ELN: variants seen among roughly 807,000 people sequenced by gnomAD.
ELN encodes the protein elastin.
ELN carries 65 observed loss-of-function variants against 105.8 expected under a neutral mutation model. The observed-to-expected ratio is 0.61, with a 90% confidence interval of 0.50 to 0.75. The LOEUF is 0.75. Ranked by LOEUF, ELN falls within the 30% of genes least tolerant of loss-of-function variation. The probability of loss-of-function intolerance (pLI) is 0.00; values close to 1 mark genes in which losing one functional copy is unlikely to be tolerated. For synonymous variants in ELN, 368 were observed against 389.2 expected, an observed-to-expected ratio of 0.95 and a Z score of 0.64; for missense variants, 882 against 969.4, an observed-to-expected ratio of 0.91 and a Z score of 1.20.
intron 12 of ELN, among the ~76,000 whole-genome samples, 186 bp downstream of exon 12, chr7:74,046,953 A>G (rs1563801358): frequency 6.6e-6 from 1 of 152,190 alleles, no homozygotes; most frequent in African/African-American, 2.4e-5. Flanking sequence ...GTGTGGTGGC[A>G]TAGGCCTATA....
rs1333781052 is a variant in ELN at position 74,069,319 on chromosome 7, C to T, written c.*619C>T. 3.0e-5 allele frequency: 7 copies of T among 236,916 alleles called. No homozygotes were observed. The highest frequency in any genetic ancestry group is 5.8e-5 in the Non-Finnish European group (7 of 119,940). The allele number at this position is 236,916 out of a possible 1,614,324, so 14.7% of individuals were successfully genotyped here. A position where few individuals can be genotyped will look rare whatever the true frequency, so the allele number is the denominator to read the frequency against. ...CCCACACTGGGAATAGCCACCTTGC[C>T]CTTGTAGAATCCATCCGCCCATCCG... is the stretch of plus-strand genomic sequence containing the variant. On this transcript the variant is annotated 3_prime_UTR_variant, in exon 33 of 33. Coordinates refer to ENST00000252034, the MANE Select transcript of ELN (RefSeq NM_000501.4).
intron 30 of ELN, 47 bp from the exon 31 acceptor site, chr7:74,065,897 C>G (rs1797829693): frequency 6.2e-7 from 1 of 1,614,030 alleles, no homozygotes. Context: ...ATCAGGGCCT[C>G]TTCCCGATGG....
intron 11 of ELN, 121 bp downstream of exon 11, chr7:74,046,338 C>A: frequency 7.2e-7 from 1 of 1,392,046 alleles, no homozygotes; most frequent in Non-Finnish European, 1.0e-6. Context: ...CCTGCAGAGC[C>A]AGGTCTTGCA....
At chr7:74,036,607 T>A in intron 3 of ELN, 23 bp downstream of exon 3, 1 of 1,614,068 alleles carries the variant, frequency 6.2e-7, no homozygotes, top group South Asian at 1.1e-5. Flanking sequence ...ACCACACTTG[T>A]TCATCACTGA....
chr7:74,043,846 G>T, intron 8 of ELN, 33 bp from the exon 9 acceptor site: 3 of 1,613,372 alleles, frequency 1.9e-6, no homozygotes, highest in Non-Finnish European at 2.5e-6. Flanking sequence ...AGGCTGAGCT[G>T]CTGCTAGTAA....
intron 29 of ELN, among the ~76,000 whole-genome samples, chr7:74,064,193 C>A (rs1316649139): frequency 1.3e-5 from 2 of 150,562 alleles, no homozygotes; most frequent in South Asian, 4.2e-4. Flanking sequence ...CTGAGGTGGG[C>A]AGATCACGAG....
Position 74,063,498 on chromosome 7 carries a change from C to G in ELN, c.1919-123C>G, listed in dbSNP as rs782187501. The G allele has an allele frequency of 1.2e-6, 2 of 1,607,576 alleles. No homozygotes were observed. The highest frequency in any genetic ancestry group is 1.3e-5 in the African/African-American group (1 of 74,876). ...ACACCTCCTGGCTCCACTGTGCCAT[C>G]GAAGGCCAGGGGAGACCTCAGGCTC... is the stretch of plus-strand genomic sequence containing the variant. On this transcript the variant is annotated intron_variant, in intron 28 of 32. Coordinates refer to ENST00000252034, the MANE Select transcript of ELN (RefSeq NM_000501.4). This position sits in a 1 kb window ranked among gnomAD's most constrained non-coding sequence, Gnocchi z 4.1.
chr7:74,028,402 A>T (rs1382334955), intron 1 of ELN, 133 bp downstream of exon 1: 13 of 1,068,132 alleles, frequency 1.2e-5, no homozygotes, highest in Non-Finnish European at 1.6e-5. Flanking sequence ...CCCCTCAGCC[A>T]CTGGGTCCTC....
At chr7:74,046,302 T>C in intron 11 of ELN, 85 bp downstream of exon 11, 2 of 1,590,830 alleles carry the variant, frequency 1.3e-6, no homozygotes, top group Non-Finnish European at 1.7e-6. Flanking sequence ...CAAGATCCCA[T>C]CCAAGCCTGC....
In ELN at chr7:74,056,682, G is replaced by C. The variant is rs782734629; in HGVS notation, c.1326G>C (p.Gln442His). The change falls in exon 21 of 33, where the codon CAG becomes CAC. Residue 442 changes from glutamine (Q) to histidine (H), a missense_variant. Coordinates refer to ENST00000252034, the MANE Select transcript of ELN (RefSeq NM_000501.4). ...VPGVGISPEA[Q>H]AAAAAKAAKY... The stretch of plus-strand genomic sequence containing the variant: ...CTCGTTTCCTTGTAGCCGAAGCTCA[G>C]GCAGCAGCTGCCGCCAAGGCTGCCA... 8 of 1,613,746 alleles carry C rather than the reference G, an allele frequency of 5.0e-6. No homozygotes were observed. The highest frequency in any genetic ancestry group is 1.7e-5 in the Admixed American group (1 of 60,000).
At chr7:74,051,362 G>A (rs781923597) in intron 15 of ELN, among the ~76,000 whole-genome samples, 28 of 152,224 alleles carry the variant, frequency 1.8e-4, no homozygotes, top group Admixed American at 1.8e-3. Context: ...GTGAGGGGCT[G>A]CCAGAGCCAA....
In ELN at chr7:74,060,023, G is replaced by A. The variant is rs370631671; in HGVS notation, c.1552G>A (p.Gly518Ser). ...GGCTCCTGGCGTTGGCGTGGCTCCCGGCATTGGCCCTGGTGGAGTTGCAGG... is the reference window on the plus strand; with the variant it reads ...GGCTCCTGGCGTTGGCGTGGCTCCCAGCATTGGCCCTGGTGGAGTTGCAGG... ...GVAPGVGVAP[G>S]IGPGGVAAAA... The change falls in exon 23 of 33, where the codon GGC becomes AGC. Residue 518 changes from glycine to serine, a missense_variant. By Grantham distance (56) the Gly-to-Ser change is moderately conservative. Coordinates refer to ENST00000252034, the MANE Select transcript of ELN (RefSeq NM_000501.4). The A allele has an allele frequency of 1.2e-5, 19 of 1,613,918 alleles. No homozygotes were observed. Among genetic ancestry groups the A allele is most frequent in the Admixed American group, 3.3e-5 (2 of 59,984 alleles).
In ELN at chr7:74,046,237, A is replaced by C. The variant is rs1554672086; in HGVS notation, c.571+20A>C. ...TCCCAGGTGAGGCAAGGCTGGTGGG[A>C]GAAGCAGGGTGGCCAGCCAGGCAGA... On this transcript the variant is annotated intron_variant, in intron 11 of 32. Coordinates refer to ENST00000252034, the MANE Select transcript of ELN (RefSeq NM_000501.4). 1 of 1,614,138 alleles carries C rather than the reference A, an allele frequency of 6.2e-7. No individual in the cohort carries two copies. The highest frequency in any genetic ancestry group is 8.5e-7 in the Non-Finnish European group (1 of 1,180,004).
chr7:74,063,654 G>A lies in ELN; in HGVS notation c.1952G>A (p.Gly651Glu). 5 of 1,613,828 alleles carry A rather than the reference G, an allele frequency of 3.1e-6. No individual in the cohort carries two copies. The highest frequency in any genetic ancestry group is 4.2e-6 in the Non-Finnish European group (5 of 1,179,764). ...GGAGCCGCTGGGCTCGGAGGACTCG[G>A]AGTCGGAGGGCTTGGAGTTCCAGGT... ...LVGAAGLGGL[G>E]VGGLGVPGVG... is the part of the protein sequence containing the mutation. The change falls in exon 29 of 33, where the codon GGA (glycine) becomes GAA (glutamate). Residue 651 changes from glycine to glutamate, a missense_variant. Gly to Glu is a moderately conservative substitution (Grantham distance 98). Transcript: ENST00000252034. The surrounding 1 kb of genome is among the most constrained non-coding windows in gnomAD (Gnocchi z 4.1).
At chr7:74,052,247 G>T in intron 17 of ELN, 1 of 538,454 alleles carries the variant, frequency 1.9e-6, no homozygotes. Flanking sequence ...GCCCACAGGT[G>T]TCTGCTGCAT....
intron 2 of ELN, 38 bp downstream of exon 2, chr7:74,035,452 G>T: frequency 6.2e-7 from 1 of 1,611,838 alleles, no homozygotes; most frequent in Non-Finnish European, 8.5e-7. Flanking sequence ...CAGGTCATGC[G>T]GATGATGCTG....
At chr7:74,053,396 T>C (rs1794550568) in intron 18 of ELN, 87 bp downstream of exon 18, 2 of 1,554,136 alleles carry the variant, frequency 1.3e-6, no homozygotes, top group Admixed American at 3.9e-5. Context: ...CCAAAATTTT[T>C]GCATTCTCCC....
In ELN at chr7:74,054,957, C is replaced by T. The variant is rs148846464; in HGVS notation, c.1150+188C>T. ...ACCACAGGGCCATGGGGCTGAGTGG[C>T]GGGAAAGTCCCAGGATGGCATTCCC... On this transcript the variant is annotated intron_variant, in intron 19 of 32. Transcript: ENST00000252034. Among the ~76,000 whole-genome samples the T allele has an allele frequency of 0.012, 1,753 of 152,368 alleles. 18 individuals carry two copies. Among genetic ancestry groups the T allele is most frequent in the Non-Finnish European group, 0.019 (1,312 of 68,030 alleles).
Position 74,051,783 on chromosome 7 carries a change from G to C in ELN, c.833G>C (p.Gly278Ala). ...GCAGCCGGAGTCCTCCCTGGTGTTG[G>C]AGGGGCTGGTGTTCCTGGCGTGCCT... ...AGAAGVLPGV[G>A]GAGVPGVPGA... Residue 278 changes from glycine to alanine, a missense_variant, in exon 16 of 33, where the codon GGA becomes GCA. Transcript: ENST00000252034. The C allele has an allele frequency of 3.1e-6, 5 of 1,614,212 alleles. No homozygotes were observed. Among genetic ancestry groups the C allele is most frequent in the Non-Finnish European group, 4.2e-6 (5 of 1,180,030 alleles).
Sources: allele counts gnomAD v4.1 joint callset (sites outside exome capture counted in the v4.1 genomes callset), GRCh38; gene constraint gnomAD v4.1.1; non-coding constraint Gnocchi (gnomAD v3.1); transcripts MANE v1.5; gene names NCBI Gene and HGNC (gene_info 2026-07-23, HGNC 2026-07-21).